ZNF446: variants seen among roughly 807,000 people sequenced by gnomAD.
ZNF446 encodes the protein zinc finger protein with KRAB and SCAN domains 20.
ZNF446 carries 42 observed loss-of-function variants against 34.0 expected under a neutral mutation model. The observed-to-expected ratio is 1.23, with a 90% CI of 0.96 to 1.60. ZNF446 has a LOEUF of 1.60. ZNF446 is among the 40% of genes most tolerant of loss of function. The pLI is 0.00. For synonymous variants in ZNF446, 315 were observed against 251.0 expected (o/e 1.25, Z -2.41); for missense variants, 650 against 600.2 (o/e 1.08, Z -0.87).
chr19:58,483,064 A>C (rs2053150769), downstream of ZNF446, among the ~76,000 whole-genome samples: 1 of 152,246 alleles, frequency 6.6e-6, no homozygotes, highest in African/African-American at 2.4e-5. Context: ...TTACTCCAGA[A>C]GTTTACATAT....
chr19:58,486,117 GGA>G (rs1341926424), downstream of ZNF446, among the ~76,000 whole-genome samples: 6 of 119,328 alleles, frequency 5.0e-5, no homozygotes, highest in South Asian at 1.4e-3. Flanking sequence ...TTTTTGAGAT[GGA>G]GTCTTACTCT....
intron 4 of ZNF446, among the ~76,000 whole-genome samples, chr19:58,478,804 A>C (rs1451574107): frequency 1.3e-5 from 2 of 152,070 alleles, no homozygotes; most frequent in Non-Finnish European, 2.9e-5. Context: ...CCTGAGCCAG[A>C]CCTGGGGATT....
chr19:58,478,357 T>C (rs2053107973), intron 4 of ZNF446, among the ~76,000 whole-genome samples, 176 bp downstream of exon 4: 1 of 152,084 alleles, frequency 6.6e-6, no homozygotes. Context: ...GACAGACTGG[T>C]GATCTATTAT....
downstream of ZNF446, among the ~76,000 whole-genome samples, chr19:58,485,266 C>T (rs539659608): frequency 1.3e-5 from 2 of 150,542 alleles, no homozygotes; most frequent in Non-Finnish European, 3.0e-5. Flanking sequence ...TTTGGGAGGC[C>T]GAGGCGGGTG....
downstream of ZNF446, among the ~76,000 whole-genome samples, chr19:58,482,475 A>C (rs1420637790): frequency 6.6e-6 from 1 of 151,806 alleles, no homozygotes; most frequent in African/African-American, 2.4e-5. Context: ...TTCACAGGGG[A>C]TGGTTTCAGG....
rs1324087847 is a variant in ZNF446 at position 58,480,094 on chromosome 19, G to A, written c.802+75G>A. On this transcript the variant is annotated intron_variant, in intron 6 of 6. Transcript: ENST00000594369. This position sits in a 1 kb window ranked among gnomAD's most constrained non-coding sequence, Gnocchi z 7.2. ...GACCTGAGCCACCCACTCATGGGGG[G>A]ACGGGAGCTTGTGCCACGGCCACAA... The A allele has an allele frequency of 1.0e-5, 16 of 1,558,268 alleles. No homozygotes were observed. The highest frequency in any genetic ancestry group is 4.1e-5 in the African/African-American group (3 of 73,862).
At chr19:58,485,228 C>T (rs1053498810), downstream of ZNF446, among the ~76,000 whole-genome samples, 1 of 151,522 alleles carries the variant, frequency 6.6e-6, no homozygotes, top group Admixed American at 6.6e-5. Context: ...TGGCTGGGCA[C>T]GGTGGCTCAT....
chr19:58,481,788 GTTTTGT>G (rs2053142014), downstream of ZNF446, among the ~76,000 whole-genome samples: 1 of 109,322 alleles, frequency 9.1e-6, no homozygotes. Flanking sequence ...GTTTTGTTTT[GTTTTGT>G]TTTGTTTTGT....
At chr19:58,478,674 A>C (rs2011665) in intron 4 of ZNF446, among the ~76,000 whole-genome samples, 32,649 of 151,814 alleles carry the variant, frequency 0.22, 3,928 homozygotes, top group Non-Finnish European at 0.28. Context: ...CAAAAACAAA[A>C]AAAAAAAAAA....
At chr19:58,487,967 C>T in the ZNF446 span, among the ~76,000 whole-genome samples, 1 of 152,386 alleles carries the variant, frequency 6.6e-6, no homozygotes, top group East Asian at 1.9e-4. Flanking sequence ...ATCAGAGAAA[C>T]CCCAGCACTG....
At chr19:58,479,770 T>C in intron 5 of ZNF446, 43 bp downstream of exon 5, 1 of 1,559,630 alleles carries the variant, frequency 6.4e-7, no homozygotes. Context: ...CCCTGGGGCC[T>C]GCACCCACCC....
chr19:58,477,038 T>C (rs1294443931), intron 1 of ZNF446, 141 bp from the exon 2 acceptor site: 1 of 571,116 alleles, frequency 1.8e-6, no homozygotes, highest in Non-Finnish European at 3.1e-6. Context: ...CCCTCCTCCT[T>C]CCATGAAGCT....
chr19:58,482,649 G>A (rs1434027009), downstream of ZNF446, among the ~76,000 whole-genome samples: 1 of 152,232 alleles, frequency 6.6e-6, no homozygotes, highest in Non-Finnish European at 1.5e-5. Flanking sequence ...GGAGAGGGAG[G>A]CTCTCCTCAG....
chr19:58,479,640 C>T lies in ZNF446; in HGVS notation c.628-3C>T. 6.2e-7 allele frequency: 1 copy of T among 1,613,526 alleles called. No homozygotes were observed. The highest frequency in any genetic ancestry group is 8.5e-7 in the Non-Finnish European group (1 of 1,179,832). On this transcript the variant is annotated splice_region_variant and splice_polypyrimidine_tract_variant and intron_variant, in intron 4 of 6. Transcript: ENST00000594369. ...CGCCTACAGTGATGGGCCACATCCG[C>T]AGGAGGAGTGGGGGCTGCTGGACCG...
chr19:58,489,271 C>T, the ZNF446 span, among the ~76,000 whole-genome samples: 4 of 152,116 alleles, frequency 2.6e-5, no homozygotes, highest in Admixed American at 6.6e-5. Context: ...CTAAGATCAG[C>T]GCTTGGGATA....
At position 58,478,039 on chromosome 19, in the gene ZNF446, CAT is replaced by C. The variant is rs763522218; in HGVS notation, c.533-47_533-46del. The C allele has an allele frequency of 3.9e-6, 6 of 1,549,700 alleles. No homozygotes were observed. The African/African-American group carries it at 8.2e-5, about 21-fold the overall frequency. On this transcript the variant is annotated intron_variant, in intron 3 of 6. Transcript: ENST00000594369. ...GAGGAGCTCCTCATCTGCCATGGCT[CAT>C]GTGGGCAGCCCCTGACACCACCCTT...
At chr19:58,488,739 T>A in the ZNF446 span, among the ~76,000 whole-genome samples, 416 of 150,568 alleles carry the variant, frequency 2.8e-3, no homozygotes, top group African/African-American at 9.7e-3. Context: ...TAGTCCCAGC[T>A]ACTTGGGAGG....
chr19:58,479,972 TG>T lies in ZNF446; in HGVS notation c.759del (p.Met254CysfsTer112). ...CCAGAGGCACAGGCCCAGTCAGAGCTGGGGATGCTGCTCACGGGGACAGGCG... is the reference window on the plus strand; with the variant it reads ...CCAGAGGCACAGGCCCAGTCAGAGCTGGGATGCTGCTCACGGGGACAGGCG... ...HQPEAQAQSE[L>X]GMLLTGTGVC... On this transcript the variant is annotated frameshift_variant, in exon 6 of 7. Transcript: ENST00000594369. LOFTEE classifies it low-confidence loss of function (END_TRUNC). The T allele has an allele frequency of 6.3e-7, 1 of 1,590,838 alleles. No homozygotes were observed. Among genetic ancestry groups the T allele is most frequent in the Non-Finnish European group, 8.5e-7 (1 of 1,171,398 alleles).
Position 58,480,221 on chromosome 19 carries a change from C to T in ZNF446, c.848C>T (p.Pro283Leu). Residue 283 changes from proline to leucine, a missense_variant, in exon 7 of 7, where the codon CCC (proline) becomes CTC (leucine). Coordinates refer to ENST00000594369, the MANE Select transcript of ZNF446 (RefSeq NM_017908.4). This position sits in a 1 kb window ranked among gnomAD's most constrained non-coding sequence, Gnocchi z 7.2. ...GPPGCPEAQP[P>L]QGPGPAAWEG... is the part of the protein sequence containing the mutation. The stretch of plus-strand genomic sequence containing the variant: ...CCTGGCTGCCCAGAGGCCCAGCCGC[C>T]CCAGGGCCCAGGGCCGGCAGCCTGG... 6.3e-7 allele frequency: 1 copy of T among 1,593,806 alleles called. No individual in the cohort carries two copies. The highest frequency in any genetic ancestry group is 8.5e-7 in the Non-Finnish European group (1 of 1,176,540).
Sources: gnomAD v4.1 joint callset for allele counts (sites outside exome capture counted in the v4.1 genomes callset) on GRCh38, gnomAD v4.1.1 for gene constraint, Gnocchi (gnomAD v3.1) non-coding constraint, MANE v1.5 for transcripts, NCBI Gene and HGNC (gene_info 2026-07-23, HGNC 2026-07-21) for gene names.